RNF157: variants seen among roughly 807,000 people sequenced by gnomAD.
RNF157 encodes ring finger protein 157, also known as E3 ubiquitin ligase RNF157.
Under a neutral mutation model 88.3 loss-of-function variants are expected in RNF157, and 55 were observed. The ratio of observed to expected loss-of-function variants is 0.62; its 90% CI spans 0.50 to 0.78. The LOEUF (loss-of-function observed/expected upper bound fraction) is 0.78, where lower values mean the gene tolerates loss of function less well. Among genes scored for constraint, RNF157 ranks in the 30% least tolerant of loss-of-function variants. RNF157 has a pLI of 0.00. For missense variants in RNF157, 788 were observed against 860.8 expected (o/e 0.92, Z 1.06); for synonymous variants, 334 against 341.2 (o/e 0.98, Z 0.23).
Position 76,164,640 on chromosome 17 carries a change from G to A in RNF157, c.720+108C>T, listed in dbSNP as rs1198967664. ...AAAAAAAAAAGAGGAAAAGGAGAGA[G>A]CAAAAAGTAAAACAAAAATAAAAAA... On this transcript the variant is annotated intron_variant, in intron 8 of 18. Transcript: ENST00000269391. The A allele has an allele frequency of 8.3e-6, 5 of 602,784 alleles. No homozygotes were observed. In the South Asian group the frequency reaches 9.7e-5, roughly 12 times the overall value. 37.3% of individuals were successfully genotyped at this position (602,784 alleles called of 1,614,324 possible).
chr17:76,177,133 C>T (rs953092175), intron 2 of RNF157, among the ~76,000 whole-genome samples: 61 of 151,264 alleles, frequency 4.0e-4, no homozygotes, highest in Middle Eastern at 3.4e-3. Flanking sequence ...ACACTGGCCC[C>T]GGCCCTGGCC....
intron 1 of RNF157, among the ~76,000 whole-genome samples, chr17:76,219,125 T>A (rs1340198017): frequency 6.6e-6 from 1 of 151,966 alleles, no homozygotes; most frequent in Non-Finnish European, 1.5e-5. Context: ...GGTTACTAGT[T>A]ATATCCATAT....
chr17:76,165,733 G>A (rs914072512), intron 6 of RNF157, among the ~76,000 whole-genome samples, 188 bp from the exon 7 acceptor site: 5 of 151,772 alleles, frequency 3.3e-5, no homozygotes, highest in South Asian at 2.1e-4. Context: ...GCTGGAGTGC[G>A]GTGGCATGAT....
chr17:76,198,996 T>A (rs1316166043), intron 2 of RNF157, among the ~76,000 whole-genome samples: 3 of 152,196 alleles, frequency 2.0e-5, no homozygotes, highest in Non-Finnish European at 4.4e-5. Context: ...GCTGTACAAC[T>A]CCTTCAGGCA....
chr17:76,145,953 A>G (rs983219259), intron 18 of RNF157, among the ~76,000 whole-genome samples: 3 of 152,152 alleles, frequency 2.0e-5, no homozygotes, highest in African/African-American at 7.2e-5. Flanking sequence ...GAGGTTTGCT[A>G]CTAGCTGGTG....
Position 76,155,579 on chromosome 17 carries a change from G to C in RNF157, c.1681C>G (p.Pro561Ala). 1.2e-6 allele frequency: 2 copies of C among 1,612,472 alleles called. No individual in the cohort carries two copies. Among genetic ancestry groups the C allele is most frequent in the Non-Finnish European group, 8.5e-7 (1 of 1,179,560 alleles). ...TCCCTTACCTCTCCTTCTTCTGAGG[G>C]GGCCCTGCTGGCAGGCTGGGGGGAA... ...LSSPQPASRA[P>A]SEEGEGLPAE... Residue 561 changes from proline (P) to alanine (A), a missense_variant, in exon 15 of 19, where the codon CCC (proline) becomes GCC (alanine). Pro to Ala is a conservative substitution (Grantham distance 27). Coordinates refer to ENST00000269391, the MANE Select transcript of RNF157 (RefSeq NM_052916.3).
rs568995703 is a variant in RNF157, at chr17:76,193,936, G to A, written c.207+18428C>T. ...ATCCACAGACAGCCCTGGGGGACAC[G>A]GCTACCACTTCTCTGGGGTACACGT... is the stretch of plus-strand genomic sequence containing the variant. On this transcript the variant is annotated intron_variant, in intron 2 of 18. Transcript: ENST00000269391. 5.9e-5 allele frequency among the ~76,000 whole-genome samples: 9 copies of A among 152,234 alleles called. No homozygotes were observed. The East Asian group carries it at 1.5e-3, about 26-fold the overall frequency.
chr17:76,191,397 G>A (rs566792398), intron 2 of RNF157, among the ~76,000 whole-genome samples: 1 of 152,020 alleles, frequency 6.6e-6, no homozygotes, highest in East Asian at 1.9e-4. Context: ...AGGATCATGA[G>A]GTCAGGAGTT....
chr17:76,185,555 C>T (rs1184737881), intron 2 of RNF157, among the ~76,000 whole-genome samples: 2 of 150,678 alleles, frequency 1.3e-5, no homozygotes, highest in African/African-American at 2.5e-5. Context: ...CTGCAAGCTC[C>T]GCCTCCCGGG....
intron 1 of RNF157, chr17:76,226,656 T>A: frequency 8.1e-6 from 13 of 1,612,572 alleles, no homozygotes; most frequent in Non-Finnish European, 1.0e-5. Flanking sequence ...GCCTTGTCGC[T>A]GGAGAACCCA....
rs1039056194 is a variant in RNF157 at position 76,146,987 on chromosome 17, C to T, written c.1922-1634G>A. ...TTGGTGTGCTAATCCACCTCAGGCT[C>T]TAGTAACAGTCTCTGGTGCTTGACC... is the stretch of plus-strand genomic sequence containing the variant. On this transcript the variant is annotated intron_variant, in intron 18 of 18. Coordinates refer to ENST00000269391, the MANE Select transcript of RNF157 (RefSeq NM_052916.3). The surrounding 1 kb of genome is among the most constrained non-coding windows in gnomAD (Gnocchi z 4.2). 3 of 985,274 alleles carry T rather than the reference C, an allele frequency of 3.0e-6. No individual in the cohort carries two copies. In the African/African-American group the frequency reaches 5.2e-5, roughly 17 times the overall value. The allele number at this position is 985,274 out of a possible 1,614,324, so 61.0% of individuals were successfully genotyped here. A position where few individuals can be genotyped will look rare whatever the true frequency, so the allele number is the denominator to read the frequency against.
At chr17:76,212,790 A>G (rs2069825187) in intron 1 of RNF157, among the ~76,000 whole-genome samples, 3 of 152,136 alleles carry the variant, frequency 2.0e-5, no homozygotes, top group African/African-American at 7.2e-5. Flanking sequence ...TGAACCCAGG[A>G]AACAGAAGTG....
rs201739916 is a variant in RNF157, at chr17:76,173,726, C to T, written c.272G>A (p.Arg91Gln). ...CTTGACGAGCCTCAGTGTGTCCTTT[C>T]GGATATTGACCAGGCTTCTCAGAGT... The part of the protein sequence containing the change: ...VKTLRSLVNI[R>Q]KDTLRLVKCA... Residue 91 changes from arginine (R) to glutamine (Q), a missense_variant, in exon 3 of 19, where the codon CGA becomes CAA. Coordinates refer to ENST00000269391, the MANE Select transcript of RNF157 (RefSeq NM_052916.3). 1.1e-5 allele frequency: 18 copies of T among 1,609,712 alleles called. No individual in the cohort carries two copies. The highest frequency in any genetic ancestry group is 3.4e-5 in the Admixed American group (2 of 59,696).
At chr17:76,226,666 A>G in intron 1 of RNF157, 9 of 1,612,354 alleles carry the variant, frequency 5.6e-6, no homozygotes, top group Non-Finnish European at 7.6e-6. Flanking sequence ...TGGAGAACCC[A>G]TGAGGTTTGA....
At chr17:76,153,793 G>T in intron 17 of RNF157, 1 of 154,196 alleles carries the variant, frequency 6.5e-6, no homozygotes, top group African/African-American at 2.4e-5. Context: ...CCTTTAGTAC[G>T]TCTGCCGGCC....
At chr17:76,198,480 G>C (rs73996177) in intron 2 of RNF157, among the ~76,000 whole-genome samples, 1,763 of 152,252 alleles carry the variant, frequency 0.012, 38 homozygotes, top group African/African-American at 0.039. Context: ...CATAAAGTGG[G>C]AAAATCCACT....
intron 2 of RNF157, among the ~76,000 whole-genome samples, chr17:76,200,220 C>T (rs986661668): frequency 2.9e-4 from 43 of 150,720 alleles, no homozygotes; most frequent in African/African-American, 4.6e-4. Flanking sequence ...CCAGCCTGGG[C>T]GACAGAGCGG....
intron 2 of RNF157, among the ~76,000 whole-genome samples, chr17:76,186,117 A>C (rs1345881094): frequency 6.6e-6 from 1 of 152,048 alleles, no homozygotes; most frequent in Non-Finnish European, 1.5e-5. Context: ...CCTACTCTCT[A>C]TTTCAAAAAT....
chr17:76,166,530 G>A lies in RNF157; in HGVS notation c.562-3C>T. On this transcript the variant is annotated splice_region_variant and splice_polypyrimidine_tract_variant and intron_variant, in intron 5 of 18. Coordinates refer to ENST00000269391, the MANE Select transcript of RNF157 (RefSeq NM_052916.3). The stretch of plus-strand genomic sequence containing the variant: ...TCTCGGTCTAAATCAAAGCCAAGCT[G>A]AAGGGAAAGAAAAGGAAAGGAAAAA... 1 of 1,613,004 alleles carries A rather than the reference G, an allele frequency of 6.2e-7. No homozygotes were observed. The highest frequency in any genetic ancestry group is 2.2e-5 in the East Asian group (1 of 44,846).
Sources: gnomAD v4.1 joint callset for allele counts (sites outside exome capture counted in the v4.1 genomes callset) on GRCh38, gnomAD v4.1.1 for gene constraint, Gnocchi (gnomAD v3.1) non-coding constraint, MANE v1.5 for transcripts, NCBI Gene and HGNC (gene_info 2026-07-23, HGNC 2026-07-21) for gene names.